Variants in GNAQ observed in about 807,000 individuals in gnomAD.
GNAQ encodes the protein G protein subunit alpha q.
GNAQ carries 8 observed loss-of-function variants against 43.9 expected under a neutral mutation model. The ratio of observed to expected loss-of-function variants is 0.18; its 90% confidence interval spans 0.11 to 0.33. GNAQ has a LOEUF of 0.33. GNAQ is among the 10% of genes least tolerant of loss of function. The pLI, the probability that GNAQ is intolerant of heterozygous loss-of-function variation, is 1.00. For missense variants in GNAQ, 158 were observed against 450.8 expected, an observed-to-expected ratio of 0.35 and a Z score of 5.88; for synonymous variants, 155 against 170.7, an observed-to-expected ratio of 0.91 and a Z score of 0.71.
intron 2 of GNAQ, among the ~76,000 whole-genome samples, chr9:77,902,844 T>C (rs886065026): frequency 1.3e-5 from 2 of 152,238 alleles, no homozygotes; most frequent in African/African-American, 4.8e-5. Context: ...AACCATAAGC[T>C]ATGGTAACTG....
chr9:77,730,723 A>G (rs1419256973), intron 5 of GNAQ, among the ~76,000 whole-genome samples: 1 of 152,226 alleles, frequency 6.6e-6, no homozygotes, highest in African/African-American at 2.4e-5. Flanking sequence ...ATGACAGCAC[A>G]GACTTTAACA....
intron 3 of GNAQ, among the ~76,000 whole-genome samples, chr9:77,802,289 A>G (rs1035650839): frequency 2.6e-5 from 4 of 152,176 alleles, no homozygotes; most frequent in Admixed American, 1.3e-4. Context: ...CTGGGCTCAC[A>G]GGACTCAGAG....
At chr9:77,865,023 C>G (rs1398606935) in intron 2 of GNAQ, among the ~76,000 whole-genome samples, 1 of 152,200 alleles carries the variant, frequency 6.6e-6, no homozygotes, top group South Asian at 2.1e-4. Flanking sequence ...AAAATTAACA[C>G]CTTTTCACCT....
At chr9:77,773,156 T>G (rs1462382987) in intron 5 of GNAQ, among the ~76,000 whole-genome samples, 3 of 151,816 alleles carry the variant, frequency 2.0e-5, no homozygotes, top group African/African-American at 2.4e-5. Flanking sequence ...AACCAAAGCT[T>G]CTTTATTTTT....
chr9:77,857,908 T>C (rs1827785641), intron 2 of GNAQ, among the ~76,000 whole-genome samples: 1 of 151,602 alleles, frequency 6.6e-6, no homozygotes. Context: ...TGAGGTCACA[T>C]GTTTCACATA....
chr9:77,857,872 G>GT (rs34145434), intron 2 of GNAQ, among the ~76,000 whole-genome samples: 49 of 146,288 alleles, frequency 3.3e-4, no homozygotes, highest in Middle Eastern at 3.7e-3. Context: ...GGCAATAAAG[G>GT]TTTTTTTTTT....
rs989634743 is a variant in GNAQ at position 77,718,324 on chromosome 9, G to T, written c.*2999C>A. 2 of 231,842 alleles carry T rather than the reference G, an allele frequency of 8.6e-6. No homozygotes were observed. Among genetic ancestry groups the T allele is most frequent in the Admixed American group, 1.1e-4 (2 of 17,722 alleles). 14.4% of individuals were successfully genotyped at this position (231,842 alleles called of 1,614,324 possible). On this transcript the variant is annotated 3_prime_UTR_variant, in exon 7 of 7. Transcript: ENST00000286548. ...ACAAAACTGAAAAGAATCCCGTCCC[G>T]CCCCTAGCCCCTTCAATAAAACCCC...
chr9:77,894,344 A>G (rs1484890223), intron 2 of GNAQ, among the ~76,000 whole-genome samples: 9 of 140,630 alleles, frequency 6.4e-5, no homozygotes, highest in African/African-American at 2.4e-4. Flanking sequence ...TATATTATAT[A>G]TATTTAATAG....
chr9:77,752,916 C>T (rs886885517), intron 5 of GNAQ, among the ~76,000 whole-genome samples: 2 of 151,818 alleles, frequency 1.3e-5, no homozygotes, highest in African/African-American at 4.8e-5. Flanking sequence ...GAAATCCTGT[C>T]TCTACTAAAA....
At chr9:77,733,830 G>A (rs1403533599) in intron 5 of GNAQ, among the ~76,000 whole-genome samples, 1 of 152,216 alleles carries the variant, frequency 6.6e-6, no homozygotes, top group Non-Finnish European at 1.5e-5. Flanking sequence ...AAGGTTTGCT[G>A]TGCAGTAGAT....
At chr9:77,764,670 T>C (rs180935105) in intron 5 of GNAQ, among the ~76,000 whole-genome samples, 3 of 152,248 alleles carry the variant, frequency 2.0e-5, no homozygotes, top group African/African-American at 7.2e-5. Flanking sequence ...TTAGCCAGGA[T>C]GGTCTTGATC....
intron 2 of GNAQ, among the ~76,000 whole-genome samples, chr9:77,867,092 T>A (rs1827962220): frequency 6.6e-6 from 1 of 152,134 alleles, no homozygotes; most frequent in African/African-American, 2.4e-5. Context: ...TTGCATCATC[T>A]TCCCTACCCT....
At chr9:77,907,513 G>A (rs1828729326) in intron 2 of GNAQ, among the ~76,000 whole-genome samples, 1 of 152,178 alleles carries the variant, frequency 6.6e-6, no homozygotes, top group African/African-American at 2.4e-5. Context: ...GTCCCCATAA[G>A]CAAAGTACAT....
chr9:77,813,690 C>T (rs1027026952), intron 3 of GNAQ, among the ~76,000 whole-genome samples: 2 of 152,002 alleles, frequency 1.3e-5, no homozygotes, highest in South Asian at 2.1e-4. Context: ...AAGGGGGAGA[C>T]GTAACCCTAG....
chr9:77,895,647 A>G (rs1469767143), intron 2 of GNAQ, among the ~76,000 whole-genome samples: 1 of 152,164 alleles, frequency 6.6e-6, no homozygotes, highest in Non-Finnish European at 1.5e-5. Flanking sequence ...AACGGACTGG[A>G]AAATGGCAAA....
rs184828847 is a variant in GNAQ, at chr9:77,868,625, G to A, written c.322-52855C>T. On this transcript the variant is annotated intron_variant, in intron 2 of 6. Coordinates refer to ENST00000286548, the MANE Select transcript of GNAQ (RefSeq NM_002072.5). ...ATCCTGGCCAACATAGTGAAGTCCC[G>A]TCTCTACTAAAAATACAAAAATTAG... Among the ~76,000 whole-genome samples, 904 of 151,998 alleles carry A rather than the reference G, an allele frequency of 5.9e-3. 2 individuals carry two copies. Among genetic ancestry groups the A allele is most frequent in the Middle Eastern group, 0.02 (6 of 294 alleles).
intron 5 of GNAQ, among the ~76,000 whole-genome samples, chr9:77,765,120 T>A (rs1274444504): frequency 6.6e-6 from 1 of 151,852 alleles, no homozygotes; most frequent in Admixed American, 6.6e-5. Context: ...TTAAGAGCAG[T>A]ACAAAAATTC....
chr9:77,922,583 T>C (rs1423139818), intron 1 of GNAQ, among the ~76,000 whole-genome samples: 2 of 152,178 alleles, frequency 1.3e-5, no homozygotes, highest in African/African-American at 4.8e-5. Flanking sequence ...GTCACCTCCT[T>C]GGAAACCACT....
chr9:77,888,590 C>T (rs1828348054), intron 2 of GNAQ, among the ~76,000 whole-genome samples: 1 of 152,068 alleles, frequency 6.6e-6, no homozygotes, highest in Admixed American at 6.5e-5. Flanking sequence ...CCATTTAAAC[C>T]TTATTTTGAG....
Sources: gnomAD v4.1 joint callset for allele counts (sites outside exome capture counted in the v4.1 genomes callset) on GRCh38, gnomAD v4.1.1 for gene constraint, MANE v1.5 for transcripts, NCBI Gene and HGNC (gene_info 2026-07-23, HGNC 2026-07-21) for gene names.